Variants in CELF2 observed in about 807,000 individuals in gnomAD.
CELF2 encodes CUG triplet repeat RNA-binding protein 2.
A neutral mutation model predicts 62.6 loss-of-function variants in CELF2; 8 were observed. That is an observed-to-expected ratio of 0.13 (90% CI 0.07 to 0.23). CELF2 has a LOEUF of 0.23. Among genes scored for constraint, CELF2 ranks in the 10% least tolerant of loss-of-function variants. The pLI, the probability that CELF2 is intolerant of heterozygous loss-of-function variation, is 1.00. For missense variants in CELF2, 333 were observed against 671.0 expected, an observed-to-expected ratio of 0.50 and a Z score of 5.56; for synonymous variants, 258 against 250.0, an observed-to-expected ratio of 1.03 and a Z score of -0.30.
At chr10:10,991,025 T>C (rs576352285) in intron 2 of CELF2, among the ~76,000 whole-genome samples, 20 of 152,142 alleles carry the variant, frequency 1.3e-4, no homozygotes, top group African/African-American at 4.6e-4. Flanking sequence ...GTGTGAGTTT[T>C]TTTCCCCCCA....
At chr10:10,713,487 G>T in the CELF2 span, among the ~76,000 whole-genome samples, 1 of 152,188 alleles carries the variant, frequency 6.6e-6, no homozygotes, top group Non-Finnish European at 1.5e-5. Flanking sequence ...GCAACTGCCT[G>T]GTTGTGTCAT....
chr10:10,625,484 G>A, the CELF2 span, among the ~76,000 whole-genome samples: 4 of 151,174 alleles, frequency 2.6e-5, no homozygotes, highest in African/African-American at 4.8e-5. Flanking sequence ...TTCTATTTTC[G>A]TGGAACAAAA....
chr10:10,547,065 C>A, the CELF2 span, among the ~76,000 whole-genome samples: 32 of 152,216 alleles, frequency 2.1e-4, no homozygotes, highest in African/African-American at 7.2e-4. Context: ...CGAGATCACG[C>A]CACTGCACTC....
the CELF2 span, among the ~76,000 whole-genome samples, chr10:10,672,300 C>T: frequency 1.3e-5 from 2 of 152,174 alleles, no homozygotes; most frequent in Non-Finnish European, 2.9e-5. Context: ...TTGTGTCACA[C>T]TCAAAAAGTC....
intron 1 of CELF2, chr10:11,030,396 C>T (rs967971804): frequency 2.6e-5 from 4 of 152,250 alleles, no homozygotes; most frequent in Non-Finnish European, 5.9e-5. Flanking sequence ...TTTCCAAAAT[C>T]TGAGGTTGCA....
Position 11,046,397 on chromosome 10 carries a change from G to GA in CELF2, c.74+28235dup, listed in dbSNP as rs2062852943. On this transcript the variant is annotated intron_variant, in intron 1 of 12. Coordinates refer to ENST00000633077, the MANE Select transcript of CELF2 (RefSeq NM_001326342.2). This position sits in a 1 kb window ranked among gnomAD's most constrained non-coding sequence, Gnocchi z 4.6. ...ACGACTTGGCCCAGAGTTGGGCACA[G>GA]AGTATGCCCTCAATAAGTACTTGTT... Among the ~76,000 whole-genome samples, 1 of 152,228 alleles carries GA rather than the reference G, an allele frequency of 6.6e-6. No individual in the cohort carries two copies. The highest frequency in any genetic ancestry group is 1.5e-5 in the Non-Finnish European group (1 of 68,042).
the CELF2 span, among the ~76,000 whole-genome samples, chr10:10,787,470 C>A: frequency 6.6e-6 from 1 of 152,144 alleles, no homozygotes. Flanking sequence ...CAAGCTTTTT[C>A]TCTCCGGTTT....
At chr10:10,700,666 A>G in the CELF2 span, among the ~76,000 whole-genome samples, 6 of 152,056 alleles carry the variant, frequency 3.9e-5, no homozygotes, top group African/African-American at 1.4e-4. Flanking sequence ...TCTCCTAGTG[A>G]CTCCTGTAGA....
intron 2 of CELF2, among the ~76,000 whole-genome samples, chr10:11,176,046 C>A (rs1185482827): frequency 6.6e-6 from 1 of 152,166 alleles, no homozygotes; most frequent in African/African-American, 2.4e-5. Context: ...AGAGAATGCG[C>A]TAGAGAGCGT....
the CELF2 span, among the ~76,000 whole-genome samples, chr10:10,633,250 G>A: frequency 6.6e-6 from 1 of 152,100 alleles, no homozygotes; most frequent in African/African-American, 2.4e-5. Context: ...TTTTAAACAT[G>A]GACATTGCCA....
At chr10:11,325,017 A>C (rs1214857349) in intron 11 of CELF2, among the ~76,000 whole-genome samples, 1 of 152,090 alleles carries the variant, frequency 6.6e-6, no homozygotes, top group Non-Finnish European at 1.5e-5. Flanking sequence ...CATGGTGCTC[A>C]TATGGGTGGG....
intron 1 of CELF2, among the ~76,000 whole-genome samples, chr10:11,029,102 A>G (rs1033798941): frequency 6.6e-5 from 10 of 152,150 alleles, no homozygotes; most frequent in African/African-American, 1.2e-4. Flanking sequence ...CTCAGGCCGC[A>G]GAATGCCTGG....
intron 1 of CELF2, among the ~76,000 whole-genome samples, chr10:11,088,412 C>T (rs1321195906): frequency 1.3e-5 from 2 of 152,110 alleles, no homozygotes; most frequent in Non-Finnish European, 2.9e-5. Context: ...GAGGACTTTG[C>T]ATGCTGGGCT....
At chr10:10,754,061 G>GGTTTTTTTTTTTTTTTTT in the CELF2 span, among the ~76,000 whole-genome samples, 2 of 85,054 alleles carry the variant, frequency 2.4e-5, no homozygotes, top group African/African-American at 9.0e-5. Flanking sequence ...TGCTGAGGTG[G>GGTTTTTTTTTTTTTTTTT]TTTTTTTTTT....
At chr10:10,813,926 C>G (rs1384542728) in intron 1 of CELF2, among the ~76,000 whole-genome samples, 1 of 152,100 alleles carries the variant, frequency 6.6e-6, no homozygotes, top group African/African-American at 2.4e-5. Context: ...GTGTGCTGAG[C>G]TAAGCTGTCC....
At chr10:11,056,746 T>G (rs915894037) in intron 1 of CELF2, among the ~76,000 whole-genome samples, 1 of 149,806 alleles carries the variant, frequency 6.7e-6, no homozygotes, top group Non-Finnish European at 1.5e-5. Context: ...AGACCACTTA[T>G]CTTAGGTGAA....
chr10:10,804,109 T>C (rs1179437485), intron 1 of CELF2, among the ~76,000 whole-genome samples: 1 of 152,214 alleles, frequency 6.6e-6, no homozygotes, highest in African/African-American at 2.4e-5. Flanking sequence ...CTGATCTATA[T>C]GTAGTGTTGA....
chr10:10,637,470 A>G, the CELF2 span, among the ~76,000 whole-genome samples: 1 of 152,200 alleles, frequency 6.6e-6, no homozygotes, highest in African/African-American at 2.4e-5. Context: ...TGTCTTGCTC[A>G]GAGGCAGGGG....
chr10:10,979,835 A>T (rs966926940), intron 2 of CELF2, among the ~76,000 whole-genome samples: 2 of 152,232 alleles, frequency 1.3e-5, no homozygotes, highest in Non-Finnish European at 2.9e-5. Context: ...TGAAATGCTG[A>T]TAACAGTAAA....
Sources: allele counts gnomAD v4.1 joint callset (sites outside exome capture counted in the v4.1 genomes callset), GRCh38; gene constraint gnomAD v4.1.1; non-coding constraint Gnocchi (gnomAD v3.1); transcripts MANE v1.5; gene names NCBI Gene and HGNC (gene_info 2026-07-23, HGNC 2026-07-21).